Variants in ZCCHC2 observed in about 807,000 individuals in gnomAD.
The protein encoded by ZCCHC2 is zinc finger CCHC-type containing 2.
In ZCCHC2, 39 loss-of-function variants were observed where a neutral mutation model predicts 103.6. The observed-to-expected ratio is 0.38, with a 90% confidence interval of 0.29 to 0.49. ZCCHC2 has a LOEUF of 0.49. ZCCHC2 is among the 20% of genes least tolerant of loss of function. ZCCHC2 has a pLI of 0.96. For synonymous variants in ZCCHC2, 687 were observed against 608.9 expected (o/e 1.13, Z -1.89); for missense variants, 1,483 against 1,491.0 (o/e 0.99, Z 0.09).
Position 62,564,903 on chromosome 18 carries a change from A to G in ZCCHC2, c.1752-99A>G, listed in dbSNP as rs545137683. On this transcript the variant is annotated intron_variant, in intron 10 of 13. Transcript: ENST00000269499. ...GTATTTAGATTATTCCTTACTAAAA[A>G]AATTTGAAGAGTCTTGAAGGAAATT... 1.9e-5 allele frequency: 17 copies of G among 877,024 alleles called. No homozygotes were observed. The South Asian group carries it at 2.7e-4, about 14-fold the overall frequency. 54.3% of individuals were successfully genotyped at this position (877,024 alleles called of 1,614,324 possible).
intron 11 of ZCCHC2, among the ~76,000 whole-genome samples, chr18:62,568,655 C>T (rs577790946): frequency 4.6e-5 from 7 of 152,294 alleles, no homozygotes; most frequent in African/African-American, 1.4e-4. Context: ...CTATAGTCTA[C>T]TGTAGTTTCA....
Position 62,533,858 on chromosome 18 carries a change from G to A in ZCCHC2, c.940-5823G>A, listed in dbSNP as rs1312921230. ...TTGCACTCCAGCCTGGGCAACAAGA[G>A]CAAAACTCTGCCTCAAAAAAAAAAA... On this transcript the variant is annotated intron_variant, in intron 1 of 13. Coordinates refer to ENST00000269499, the MANE Select transcript of ZCCHC2 (RefSeq NM_017742.6). Among the ~76,000 whole-genome samples, 4 of 93,972 alleles carry A rather than the reference G, an allele frequency of 4.3e-5. No homozygotes were observed. The Admixed American group carries it at 5.4e-4, about 13-fold the overall frequency. 61.6% of individuals were successfully genotyped at this position (93,972 alleles called of 152,430 possible). A position where few individuals can be genotyped will look rare whatever the true frequency, so the allele number is the denominator to read the frequency against.
At chr18:62,549,081 A>T (rs1335992756) in intron 4 of ZCCHC2, among the ~76,000 whole-genome samples, 10 of 118,252 alleles carry the variant, frequency 8.5e-5, no homozygotes, top group Admixed American at 2.8e-4. Context: ...TAGCTGGGGG[A>T]GGGGGCGGGT....
Position 62,523,397 on chromosome 18 carries a change from T to G in ZCCHC2, c.-28T>G. 8.6e-6 allele frequency: 1 copy of G among 116,544 alleles called. No homozygotes were observed. Among genetic ancestry groups the G allele is most frequent in the Non-Finnish European group, 1.4e-5 (1 of 69,008 alleles). The allele number at this position is 116,544 out of a possible 1,614,324, so 7.2% of individuals were successfully genotyped here. A position where few individuals can be genotyped will look rare whatever the true frequency, so the allele number is the denominator to read the frequency against. On this transcript the variant is annotated 5_prime_UTR_variant, in exon 1 of 14. Transcript: ENST00000269499. ...CGCGGCCCCTCCCGCCCGCCCCCGC[T>G]CGCATGTCTGCGCCGCCCTAGCCGA... is the stretch of plus-strand genomic sequence containing the variant.
chr18:62,570,994 G>A (rs566973438), intron 12 of ZCCHC2, among the ~76,000 whole-genome samples: 131 of 152,278 alleles, frequency 8.6e-4, no homozygotes, highest in African/African-American at 2.9e-3. Flanking sequence ...TGAGCAAAAC[G>A]TTTTAGGTTC....
At chr18:62,548,355 A>G (rs181988433) in intron 4 of ZCCHC2, among the ~76,000 whole-genome samples, 2 of 152,332 alleles carry the variant, frequency 1.3e-5, no homozygotes, top group Admixed American at 1.3e-4. Flanking sequence ...GTTTGCTCAT[A>G]CTGATGACTG....
intron 11 of ZCCHC2, among the ~76,000 whole-genome samples, chr18:62,567,955 A>AAAAAAAAAAAAAAAAAAAAAAAAAT (rs1568555841): frequency 6.7e-6 from 1 of 150,058 alleles, no homozygotes; most frequent in African/African-American, 2.5e-5. Context: ...AAAAAAAAAA[A>AAAAAAAAAAAAAAAAAAAAAAAAAT]AAAAGAATGC....
At chr18:62,562,970 G>C (rs1916190906) in intron 8 of ZCCHC2, 39 bp from the exon 9 acceptor site, 3 of 1,582,554 alleles carry the variant, frequency 1.9e-6, no homozygotes, top group African/African-American at 1.3e-5. Context: ...TTATTATTGA[G>C]GGCAGATTTT....
At chr18:62,583,594 A>T (rs994583290) in intron 14 of ZCCHC2, among the ~76,000 whole-genome samples, 3 of 152,104 alleles carry the variant, frequency 2.0e-5, no homozygotes, top group South Asian at 4.1e-4. Context: ...CAGTGAAACC[A>T]TATGGAGGCA....
chr18:62,578,702 C>T (rs1019417909), downstream of ZCCHC2: 2 of 152,054 alleles, frequency 1.3e-5, no homozygotes, highest in African/African-American at 4.8e-5. Context: ...AATCCATTTC[C>T]CTGCAGGGTG....
At chr18:62,562,689 A>G (rs1216346361) in intron 8 of ZCCHC2, among the ~76,000 whole-genome samples, 1 of 152,122 alleles carries the variant, frequency 6.6e-6, no homozygotes, top group Admixed American at 6.6e-5. Context: ...TTAAGTGCTC[A>G]TGACAGCAGT....
chr18:62,585,353 A>G (rs906810356), exon 15 of ZCCHC2: 1 of 152,254 alleles, frequency 6.6e-6, no homozygotes, highest in African/African-American at 2.4e-5. Context: ...AAGCTCTGAC[A>G]GTCACATATA....
intron 5 of ZCCHC2, among the ~76,000 whole-genome samples, chr18:62,550,865 G>C (rs551858796): frequency 6.6e-6 from 1 of 152,174 alleles, no homozygotes; most frequent in African/African-American, 2.4e-5. Flanking sequence ...CCTGCTCTTC[G>C]TGGCTGTTAC....
At chr18:62,556,369 G>T in intron 6 of ZCCHC2, 72 bp downstream of exon 6, 8 of 1,204,236 alleles carry the variant, frequency 6.6e-6, no homozygotes, top group Non-Finnish European at 8.1e-6. Flanking sequence ...GTGTCATTTT[G>T]TGTAGGTTTG....
intron 1 of ZCCHC2, among the ~76,000 whole-genome samples, chr18:62,538,736 T>C (rs1014993055): frequency 1.3e-5 from 2 of 152,228 alleles, no homozygotes; most frequent in Non-Finnish European, 2.9e-5. Flanking sequence ...TCATACTTAC[T>C]GTCGGGTCGG....
At chr18:62,554,215 G>T (rs1412796162) in intron 5 of ZCCHC2, among the ~76,000 whole-genome samples, 1 of 152,206 alleles carries the variant, frequency 6.6e-6, no homozygotes, top group African/African-American at 2.4e-5. Flanking sequence ...TTTTAAATTA[G>T]TAGGTCATCA....
At chr18:62,539,885 C>G in intron 2 of ZCCHC2, 93 bp downstream of exon 2, 1 of 1,035,696 alleles carries the variant, frequency 9.7e-7, no homozygotes, top group Non-Finnish European at 1.4e-6. Context: ...TTTTACTCTC[C>G]TTTTTGAAGT....
At chr18:62,567,771 C>A (rs556161652) in intron 11 of ZCCHC2, among the ~76,000 whole-genome samples, 1 of 151,760 alleles carries the variant, frequency 6.6e-6, no homozygotes, top group South Asian at 2.1e-4. Flanking sequence ...ATGGTGAAAC[C>A]CTGTTTCTAC....
intron 4 of ZCCHC2, 44 bp downstream of exon 4, chr18:62,544,917 A>G: frequency 6.9e-7 from 1 of 1,443,544 alleles, no homozygotes; most frequent in South Asian, 1.4e-5. Context: ...TATATAATAT[A>G]CAGAATCCAG....
Sources: allele counts gnomAD v4.1 joint callset (sites outside exome capture counted in the v4.1 genomes callset), GRCh38; gene constraint gnomAD v4.1.1; transcripts MANE v1.5; gene names NCBI Gene and HGNC (gene_info 2026-07-23, HGNC 2026-07-21).